Variants in PPARA observed in about 807,000 individuals in gnomAD.
The protein encoded by PPARA is peroxisome proliferator activated receptor alpha.
Under a neutral mutation model 42.2 loss-of-function variants are expected in PPARA, and 22 were observed. The ratio of observed to expected loss-of-function variants is 0.52; its 90% CI spans 0.37 to 0.74. The LOEUF is 0.74. Ranked by LOEUF, PPARA falls within the 30% of genes least tolerant of loss-of-function variation. The pLI is 0.00. For missense variants in PPARA, 465 were observed against 608.2 expected, an observed-to-expected ratio of 0.76 and a Z score of 2.48; for synonymous variants, 242 against 239.3, an observed-to-expected ratio of 1.01 and a Z score of -0.10.
chr22:46,205,519 CATATATATATATATATATAT>C (rs552533545), intron 4 of PPARA, among the ~76,000 whole-genome samples: 820 of 34,404 alleles, frequency 0.024, 36 homozygotes, highest in African/African-American at 0.033. Flanking sequence ...CATGCCCAGC[CATATATATATATATATATAT>C]ATATATATAT....
chr22:46,168,351 C>CAAAAAAAAAAAAAAAAA (rs35345592), intron 2 of PPARA, among the ~76,000 whole-genome samples: 9 of 14,384 alleles, frequency 6.3e-4, no homozygotes, highest in Admixed American at 1.1e-3. Flanking sequence ...GACTCCATCT[C>CAAAAAAAAAAAAAAAAA]AAAAAAAAAA....
In PPARA at chr22:46,239,697, G is replaced by C. The variant is rs529726791; in HGVS notation, c.*4317G>C. Reference sequence around the variant, plus strand: ...CTCTCCTCTTCACCTCTTCCTGCTGGCCACGAGGAAGCCACTTCCTCAGAG... The same window carrying C: ...CTCTCCTCTTCACCTCTTCCTGCTGCCCACGAGGAAGCCACTTCCTCAGAG... On this transcript the variant is annotated 3_prime_UTR_variant, in exon 9 of 9. Coordinates refer to ENST00000407236, the MANE Select transcript of PPARA (RefSeq NM_005036.6). 18 of 141,266 alleles carry C rather than the reference G, an allele frequency of 1.3e-4. No individual in the cohort carries two copies. Among genetic ancestry groups the C allele is most frequent in the African/African-American group, 4.8e-4 (18 of 37,216 alleles). 8.8% of individuals were successfully genotyped at this position (141,266 alleles called of 1,614,324 possible).
intron 2 of PPARA, among the ~76,000 whole-genome samples, chr22:46,166,168 C>G (rs1230522904): frequency 6.6e-6 from 1 of 152,184 alleles, no homozygotes; most frequent in Non-Finnish European, 1.5e-5. Flanking sequence ...AACAGATGTG[C>G]ATGATGATCA....
intron 3 of PPARA, among the ~76,000 whole-genome samples, 191 bp downstream of exon 3, chr22:46,177,027 A>G (rs4253667): frequency 0.014 from 2,106 of 152,222 alleles, 18 homozygotes; most frequent in Middle Eastern, 0.034. Flanking sequence ...TGGCTAACAC[A>G]GTGAAACCCT....
At chr22:46,172,810 G>A (rs1928308993) in intron 2 of PPARA, among the ~76,000 whole-genome samples, 1 of 152,148 alleles carries the variant, frequency 6.6e-6, no homozygotes, top group Non-Finnish European at 1.5e-5. Context: ...AGGGCTTGTT[G>A]AGTAGGAAGC....
At chr22:46,166,618 CA>C (rs60478706) in intron 2 of PPARA, among the ~76,000 whole-genome samples, 59 of 105,834 alleles carry the variant, frequency 5.6e-4, no homozygotes, top group East Asian at 1.1e-3. Context: ...ACTACCATCT[CA>C]AAAAAAAAAA....
At chr22:46,197,453 G>A (rs972367272) in intron 3 of PPARA, among the ~76,000 whole-genome samples, 5 of 152,188 alleles carry the variant, frequency 3.3e-5, no homozygotes, top group Non-Finnish European at 5.9e-5. Context: ...TCCTGGCCCC[G>A]TGGGCTATGG....
In PPARA at chr22:46,153,142, TTTTC is replaced by T. The variant is rs900034277; in HGVS notation, c.-127+1180_-127+1183del. 5.3e-4 allele frequency among the ~76,000 whole-genome samples: 81 copies of T among 151,938 alleles called. 1 individual carries two copies. The highest frequency in any genetic ancestry group is 1.9e-3 in the African/African-American group (77 of 41,472). ...CTAATTGACATTAGAAAAAAATGTT[TTTTC>T]TTTCTTTTCCCACATCCTTTTTTTT... is the stretch of plus-strand genomic sequence containing the variant. On this transcript the variant is annotated intron_variant, in intron 2 of 8. Transcript: ENST00000407236.
At position 46,195,575 on chromosome 22, in the gene PPARA, A is replaced by G. The variant is rs1347837410; in HGVS notation, c.-42-2767A>G. Among the ~76,000 whole-genome samples the G allele has an allele frequency of 1.3e-5, 2 of 152,244 alleles. No homozygotes were observed. The highest frequency in any genetic ancestry group is 2.9e-5 in the Non-Finnish European group (2 of 68,050). On this transcript the variant is annotated intron_variant, in intron 3 of 8. Transcript: ENST00000407236. The surrounding 1 kb of genome is among the most constrained non-coding windows in gnomAD (Gnocchi z 4.6). ...AATTTCACAAAAATGGATGAAATGT[A>G]TCTATTTTTCATTGGTAGAAGAAGC... is the stretch of plus-strand genomic sequence containing the variant.
rs924197290 is a variant in PPARA at position 46,180,295 on chromosome 22, T to A, written c.-43+3459T>A. Among the ~76,000 whole-genome samples, 3 of 149,386 alleles carry A rather than the reference T, an allele frequency of 2.0e-5. No homozygotes were observed. The highest frequency in any genetic ancestry group is 7.4e-5 in the African/African-American group (3 of 40,602). On this transcript the variant is annotated intron_variant, in intron 3 of 8. Transcript: ENST00000407236. This position sits in a 1 kb window ranked among gnomAD's most constrained non-coding sequence, Gnocchi z 4.2. ...TCTGCCTCCCAATGAATTAGAAAAA[T>A]AATAATAAAGGTAACAATAGCAGTA...
chr22:46,161,589 A>C lies in PPARA; in HGVS notation c.-127+9619A>C, dbSNP rs894881241. On this transcript the variant is annotated intron_variant, in intron 2 of 8. Transcript: ENST00000407236. This position sits in a 1 kb window ranked among gnomAD's most constrained non-coding sequence, Gnocchi z 4.8. ...AACAGCGAGACTCCATCTCAAAAAT[A>C]ATAAGTAAATAAATAAATAAATAAA... Among the ~76,000 whole-genome samples the C allele has an allele frequency of 2.0e-5, 3 of 152,154 alleles. No homozygotes were observed. The highest frequency in any genetic ancestry group is 7.2e-5 in the African/African-American group (3 of 41,424).
intron 2 of PPARA, among the ~76,000 whole-genome samples, chr22:46,174,210 GAGA>G (rs1928586658): frequency 3.6e-5 from 1 of 28,166 alleles, no homozygotes. Flanking sequence ...GAGAGAGAGA[GAGA>G]GAGAGGGAGA....
chr22:46,200,658 G>GTAA lies in PPARA; in HGVS notation c.208+2069_208+2071dup, dbSNP rs887492759. Among the ~76,000 whole-genome samples, 3 of 152,276 alleles carry GTAA rather than the reference G, an allele frequency of 2.0e-5. No homozygotes were observed. Among genetic ancestry groups the GTAA allele is most frequent in the Non-Finnish European group, 4.4e-5 (3 of 68,044 alleles). On this transcript the variant is annotated intron_variant, in intron 4 of 8. Transcript: ENST00000407236. This position sits in a 1 kb window ranked among gnomAD's most constrained non-coding sequence, Gnocchi z 4.8. ...TGGCTGGGCGCAGTGGCTCACGCCTGTAATCCCAACACTTTGGGAGGCTGA... is the reference window on the plus strand; with the variant it reads ...TGGCTGGGCGCAGTGGCTCACGCCTGTAATAATCCCAACACTTTGGGAGGCTGA...
intron 4 of PPARA, among the ~76,000 whole-genome samples, chr22:46,214,798 C>G (rs572868608): frequency 7.8e-4 from 115 of 147,462 alleles, no homozygotes; most frequent in African/African-American, 2.6e-3. Flanking sequence ...ATCGGAGATG[C>G]TCAGATCGAA....
chr22:46,207,833 A>G (rs1186513857), intron 4 of PPARA, among the ~76,000 whole-genome samples: 1 of 151,164 alleles, frequency 6.6e-6, no homozygotes, highest in Non-Finnish European at 1.5e-5. Context: ...AGAGGTATAT[A>G]CTACCATGCC....
At position 46,242,739 on chromosome 22, in the gene PPARA, A is replaced by G. The variant is rs776740215; in HGVS notation, c.*7359A>G. 14,824 of 145,600 alleles carry G rather than the reference A, an allele frequency of 0.1. 790 individuals are homozygous for G. The highest frequency in any genetic ancestry group is 0.12 in the Non-Finnish European group (7,610 of 65,608). The allele number at this position is 145,600 out of a possible 1,614,324, so 9.0% of individuals were successfully genotyped here. On this transcript the variant is annotated 3_prime_UTR_variant, in exon 9 of 9. Coordinates refer to ENST00000407236, the MANE Select transcript of PPARA (RefSeq NM_005036.6). The surrounding 1 kb of genome is among the most constrained non-coding windows in gnomAD (Gnocchi z 6.1). The stretch of plus-strand genomic sequence containing the variant: ...TGCGTACACGTGTGCGTGCACACAC[A>G]CACACACACACACACACACACAGCT...
rs1348810958 is a variant in PPARA at position 46,242,385 on chromosome 22, ACAGT to A, written c.*7010_*7013del. 6.5e-6 allele frequency: 1 copy of A among 152,674 alleles called. No homozygotes were observed. The highest frequency in any genetic ancestry group is 2.4e-5 in the African/African-American group (1 of 41,458). The allele number at this position is 152,674 out of a possible 1,614,324, so 9.5% of individuals were successfully genotyped here. A position where few individuals can be genotyped will look rare whatever the true frequency, so the allele number is the denominator to read the frequency against. ...TTGGCAACTTCACTTTTTTTAAGGC[ACAGT>A]CAGTTCCTTTTCTCATGTACCTCAC... On this transcript the variant is annotated 3_prime_UTR_variant, in exon 9 of 9. Transcript: ENST00000407236. The surrounding 1 kb of genome is among the most constrained non-coding windows in gnomAD (Gnocchi z 6.1).
chr22:46,178,086 C>T (rs781593997), intron 3 of PPARA, among the ~76,000 whole-genome samples: 30 of 152,030 alleles, frequency 2.0e-4, no homozygotes, highest in Admixed American at 7.9e-4. Context: ...ACCTCAGGCA[C>T]CTACCCAAAG....
In PPARA at chr22:46,225,737, T is replaced by G. The variant is rs1935370119; in HGVS notation, c.711+5723T>G. Among the ~76,000 whole-genome samples, 1 of 96,928 alleles carries G rather than the reference T, an allele frequency of 1.0e-5. No homozygotes were observed. Among genetic ancestry groups the G allele is most frequent in the Admixed American group, 1.0e-4 (1 of 9,654 alleles). 63.6% of individuals were successfully genotyped at this position (96,928 alleles called of 152,430 possible). The stretch of plus-strand genomic sequence containing the variant: ...CCCACACGCACACAAGCATCCATGC[T>G]CACATGGGTACACACTCACACATCC... On this transcript the variant is annotated intron_variant, in intron 7 of 8. Transcript: ENST00000407236. The surrounding 1 kb of genome is among the most constrained non-coding windows in gnomAD (Gnocchi z 4.1).
Sources: gnomAD v4.1 joint callset for allele counts (sites outside exome capture counted in the v4.1 genomes callset) on GRCh38, gnomAD v4.1.1 for gene constraint, Gnocchi (gnomAD v3.1) non-coding constraint, MANE v1.5 for transcripts, NCBI Gene and HGNC (gene_info 2026-07-23, HGNC 2026-07-21) for gene names.